Variants in NBAS observed in about 807,000 individuals in gnomAD.
NBAS encodes NBAS subunit of NRZ tethering complex.
In NBAS, 219 loss-of-function variants were observed where a neutral mutation model predicts 302.5. The observed-to-expected ratio is 0.72, with a 90% CI of 0.65 to 0.81. The LOEUF (loss-of-function observed/expected upper bound fraction) is 0.81, where lower values mean the gene tolerates loss of function less well. Among genes scored for constraint, NBAS ranks in the 30% least tolerant of loss-of-function variants. The pLI, the probability that NBAS is intolerant of heterozygous loss-of-function variation, is 0.00. For synonymous variants in NBAS, 1,118 were observed against 1,021.6 expected, an observed-to-expected ratio of 1.09 and a Z score of -1.80; for missense variants, 2,932 against 2,841.6, an observed-to-expected ratio of 1.03 and a Z score of -0.72.
In NBAS at chr2:15,488,889, C is replaced by G. The variant is rs930469738; in HGVS notation, c.1083+5G>C. The G allele has an allele frequency of 6.2e-7, 1 of 1,613,292 alleles. No homozygotes were observed. Among genetic ancestry groups the G allele is most frequent in the Non-Finnish European group, 8.5e-7 (1 of 1,179,562 alleles). On this transcript the variant is annotated splice_donor_5th_base_variant and intron_variant, in intron 12 of 51. Coordinates refer to ENST00000281513, the MANE Select transcript of NBAS (RefSeq NM_015909.4). ...GAGTATCATTCTAATAACCAAGAGA[C>G]GCACCTGCTCATTTTGACCCCATTC...
the NBAS span, among the ~76,000 whole-genome samples, chr2:15,127,020 C>G: frequency 6.6e-6 from 1 of 152,140 alleles, no homozygotes; most frequent in Non-Finnish European, 1.5e-5. Flanking sequence ...CATCTTGGTC[C>G]CTCTAAAGCC....
the NBAS span, among the ~76,000 whole-genome samples, chr2:15,051,294 C>G: frequency 3.3e-4 from 51 of 152,312 alleles, no homozygotes; most frequent in Admixed American, 1.5e-3. Context: ...ACACCTCAAT[C>G]AGTGACCTGA....
At chr2:15,106,121 A>G in the NBAS span, among the ~76,000 whole-genome samples, 9 of 152,306 alleles carry the variant, frequency 5.9e-5, no homozygotes, top group African/African-American at 2.2e-4. Flanking sequence ...TTAACACTGC[A>G]AGCTCTAAAT....
chr2:15,506,712 A>C (rs1027462743), intron 10 of NBAS, among the ~76,000 whole-genome samples: 4 of 152,206 alleles, frequency 2.6e-5, no homozygotes, highest in African/African-American at 9.6e-5. Flanking sequence ...AAAATACATA[A>C]ATAGATGACT....
intron 23 of NBAS, among the ~76,000 whole-genome samples, chr2:15,424,063 G>A (rs990716083): frequency 9.9e-5 from 15 of 152,112 alleles, no homozygotes; most frequent in South Asian, 4.2e-4. Flanking sequence ...AGAAAACAAG[G>A]GACAGTATGT....
At chr2:15,193,761 T>C (rs529220198) in intron 48 of NBAS, among the ~76,000 whole-genome samples, 1 of 152,224 alleles carries the variant, frequency 6.6e-6, no homozygotes, top group East Asian at 1.9e-4. Context: ...AATTCAAAAA[T>C]TCAAAATGAA....
At chr2:15,227,848 TAA>T (rs1667209997) in intron 47 of NBAS, among the ~76,000 whole-genome samples, 1 of 152,100 alleles carries the variant, frequency 6.6e-6, no homozygotes, top group African/African-American at 2.4e-5. Context: ...ATAAATGAAT[TAA>T]AGACTTAAAT....
chr2:14,943,231 C>T, the NBAS span, among the ~76,000 whole-genome samples: 1 of 152,242 alleles, frequency 6.6e-6, no homozygotes, highest in African/African-American at 2.4e-5. Flanking sequence ...CCACCGGATA[C>T]ACTTGTAGCA....
intron 12 of NBAS, among the ~76,000 whole-genome samples, chr2:15,479,889 T>C (rs1038904725): frequency 6.6e-6 from 1 of 152,222 alleles, no homozygotes. Context: ...CCACCTGTCA[T>C]AGCAGCTAAA....
intron 9 of NBAS, among the ~76,000 whole-genome samples, chr2:15,517,570 CAAAG>C (rs1303563646): frequency 3.9e-5 from 6 of 152,022 alleles, no homozygotes; most frequent in African/African-American, 1.4e-4. Context: ...CATCTTAGGT[CAAAG>C]AAAGACACAT....
chr2:15,340,468 G>A (rs1183723424), intron 35 of NBAS, among the ~76,000 whole-genome samples: 2 of 152,162 alleles, frequency 1.3e-5, no homozygotes, highest in African/African-American at 4.8e-5. Flanking sequence ...GAGGAAGAGG[G>A]CTGAAATCAG....
At chr2:14,800,907 C>T in the NBAS span, among the ~76,000 whole-genome samples, 60,260 of 150,896 alleles carry the variant, frequency 0.4, 12,550 homozygotes, top group African/African-American at 0.51. Context: ...AAAGTATTAC[C>T]TTTAATATTT....
the NBAS span, among the ~76,000 whole-genome samples, chr2:14,793,323 T>C: frequency 6.6e-6 from 1 of 152,226 alleles, no homozygotes; most frequent in Admixed American, 6.6e-5. Context: ...CAATCTATTA[T>C]AAATTCTTTT....
chr2:14,787,979 C>A, the NBAS span, among the ~76,000 whole-genome samples: 1 of 152,198 alleles, frequency 6.6e-6, no homozygotes. Flanking sequence ...TAGATTTGGT[C>A]TTTTCACATA....
chr2:15,288,346 C>T (rs1284038960), intron 41 of NBAS, among the ~76,000 whole-genome samples: 5 of 152,160 alleles, frequency 3.3e-5, no homozygotes, highest in African/African-American at 1.2e-4. Context: ...GACCATGAAG[C>T]TCCACGAGAA....
chr2:15,332,677 G>GA (rs1268753613), intron 35 of NBAS, among the ~76,000 whole-genome samples: 2 of 151,602 alleles, frequency 1.3e-5, no homozygotes, highest in Non-Finnish European at 2.9e-5. Flanking sequence ...TATAAATAAA[G>GA]AAAAAAACAT....
At chr2:15,290,402 T>C (rs1670255470) in intron 41 of NBAS, among the ~76,000 whole-genome samples, 1 of 152,198 alleles carries the variant, frequency 6.6e-6, no homozygotes, top group African/African-American at 2.4e-5. Flanking sequence ...ATCAAAAGCA[T>C]ATATTTGTCC....
At chr2:15,229,585 C>T (rs192371598) in intron 47 of NBAS, among the ~76,000 whole-genome samples, 43 of 151,668 alleles carry the variant, frequency 2.8e-4, no homozygotes, top group African/African-American at 1.0e-3. Context: ...AGTTTGAGAC[C>T]AGACTGACCA....
At chr2:14,864,320 CAAAAAAAAAAA>C in the NBAS span, among the ~76,000 whole-genome samples, 2 of 68,014 alleles carry the variant, frequency 2.9e-5, no homozygotes, top group Non-Finnish European at 6.2e-5. Flanking sequence ...GGCTCCATCT[CAAAAAAAAAAA>C]AAAAAAAGAA....
Sources: gnomAD v4.1 joint callset for allele counts (sites outside exome capture counted in the v4.1 genomes callset) on GRCh38, gnomAD v4.1.1 for gene constraint, MANE v1.5 for transcripts, NCBI Gene and HGNC (gene_info 2026-07-23, HGNC 2026-07-21) for gene names.